The following PCDH15 variants were observed in gnomAD, a reference collection of about 807,000 sequenced individuals.
The protein encoded by PCDH15 is protocadherin related 15.
In PCDH15, 129 loss-of-function variants were observed where a neutral mutation model predicts 178.5. The observed-to-expected ratio is 0.72, with a 90% CI of 0.63 to 0.84. The LOEUF is 0.84. Among genes scored for constraint, PCDH15 ranks in the 40% least tolerant of loss-of-function variants. PCDH15 has a pLI of 0.00. For missense variants in PCDH15, 2,230 were observed against 2,099.9 expected (o/e 1.06, Z -1.21); for synonymous variants, 800 against 732.0 (o/e 1.09, Z -1.50).
chr10:53,840,140 A>G (rs561788404), intron 29 of PCDH15, among the ~76,000 whole-genome samples, 180 bp downstream of exon 29: 2 of 151,428 alleles, frequency 1.3e-5, no homozygotes, highest in East Asian at 4.0e-4. Context: ...TGTAGCCCAC[A>G]CTTAGACCTG....
chr10:54,196,389 G>T (rs943937627), intron 10 of PCDH15, among the ~76,000 whole-genome samples: 4 of 152,012 alleles, frequency 2.6e-5, no homozygotes, highest in African/African-American at 7.2e-5. Context: ...TGATCCGCCC[G>T]CCTCAGCCTC....
intron 21 of PCDH15, among the ~76,000 whole-genome samples, chr10:53,962,811 GTCCTCACTTATATTAGGTT>G (rs1212298234): frequency 6.6e-6 from 1 of 152,158 alleles, no homozygotes; most frequent in Admixed American, 6.5e-5. Flanking sequence ...TTTGCTGGCT[GTCCTCACTTATATTAGGTT>G]TCAGATTGGT....
intron 1 of PCDH15, among the ~76,000 whole-genome samples, chr10:55,281,821 T>A (rs1842740875): frequency 6.6e-6 from 1 of 152,322 alleles, no homozygotes; most frequent in South Asian, 2.1e-4. Flanking sequence ...CATAACTGTA[T>A]GTCCAGTTAC....
At chr10:55,071,438 G>C (rs1009557673) in intron 2 of PCDH15, among the ~76,000 whole-genome samples, 32 of 152,148 alleles carry the variant, frequency 2.1e-4, no homozygotes, top group Middle Eastern at 3.4e-3. Flanking sequence ...AAAGGCAGGG[G>C]TTGCAATCCT....
intron 8 of PCDH15, among the ~76,000 whole-genome samples, chr10:54,251,966 TC>T (rs139817048): frequency 0.026 from 3,995 of 152,184 alleles, 177 homozygotes; most frequent in African/African-American, 0.086. Context: ...AAATATATGC[TC>T]CCCCCTGCCT....
rs1201312020 is a variant in PCDH15, at chr10:53,898,161, G to T, written c.3501+5082C>A. Among the ~76,000 whole-genome samples, 7 of 141,396 alleles carry T rather than the reference G, an allele frequency of 5.0e-5. No homozygotes were observed. In the East Asian group the frequency reaches 1.1e-3, roughly 22 times the overall value. 92.8% of individuals were successfully genotyped at this position (141,396 alleles called of 152,430 possible). ...TTTTGTATTTTTAGTAGAGACGGGG[G>T]TTTCACCGTGTTAGCCAGGATGGTC... On this transcript the variant is annotated intron_variant, in intron 26 of 37. Coordinates refer to ENST00000644397, the MANE Select transcript of PCDH15 (RefSeq NM_001384140.1).
At position 54,307,073 on chromosome 10, in the gene PCDH15, T is replaced by C. The variant is rs1281846989; in HGVS notation, c.876+10198A>G. ...ATATATATATATATATATATATATATATATATACATATATATATATGTGTG... is the reference window on the plus strand; with the variant it reads ...ATATATATATATATATATATATATACATATATACATATATATATATGTGTG... On this transcript the variant is annotated intron_variant, in intron 8 of 37. Transcript: ENST00000644397. Among the ~76,000 whole-genome samples the C allele has an allele frequency of 8.4e-4, 8 of 9,522 alleles. No individual in the cohort carries two copies. In the East Asian group the frequency reaches 0.01, roughly 12 times the overall value. The allele number at this position is 9,522 out of a possible 152,430, so 6.2% of individuals were successfully genotyped here. A position where few individuals can be genotyped will look rare whatever the true frequency, so the allele number is the denominator to read the frequency against.
intron 2 of PCDH15, among the ~76,000 whole-genome samples, chr10:55,104,104 C>T (rs988971787): frequency 3.3e-5 from 5 of 152,020 alleles, no homozygotes; most frequent in South Asian, 4.1e-4. Context: ...AAAACAATTT[C>T]GTTTGCATAA....
rs560664224 is a variant in PCDH15, at chr10:55,120,070, A to G, written c.-80+46506T>C. Among the ~76,000 whole-genome samples, 18 of 152,314 alleles carry G rather than the reference A, an allele frequency of 1.2e-4. No individual in the cohort carries two copies. In the South Asian group the frequency reaches 3.7e-3, roughly 32 times the overall value. On this transcript the variant is annotated intron_variant, in intron 2 of 5. Transcript: ENST00000458638. ...AACCAGAGAGAACATTTAAGGCAAA[A>G]ATATCAATATTCAGATAAAAGATGG...
intron 17 of PCDH15, among the ~76,000 whole-genome samples, chr10:54,071,428 A>G (rs2094239951): frequency 6.6e-6 from 1 of 152,176 alleles, no homozygotes; most frequent in South Asian, 2.1e-4. Context: ...AATCCTAGAG[A>G]GGATAAGAGA....
In PCDH15 at chr10:54,195,841, T is replaced by C. The variant is rs1306993615; in HGVS notation, c.1147A>G (p.Ile383Val). ...TGATTGTTTTCATCCAGTATTTCAA[T>C]GTGTAGACCGGCAAAGGCAGGAAGA... Reference protein sequence around the residue: ...HPLPAFAGLHIEILDENNQSP... With the variant: ...HPLPAFAGLHVEILDENNQSP... The change falls in exon 11 of 38, where the codon ATT (isoleucine) becomes GTT (valine). Residue 383 changes from isoleucine to valine, a missense_variant. By Grantham distance (29) the Ile-to-Val change is conservative. Coordinates refer to ENST00000644397, the MANE Select transcript of PCDH15 (RefSeq NM_001384140.1). The C allele has an allele frequency of 2.5e-6, 4 of 1,614,082 alleles. No individual in the cohort carries two copies. Among genetic ancestry groups the C allele is most frequent in the Non-Finnish European group, 2.5e-6 (3 of 1,179,956 alleles).
At chr10:54,206,831 C>A (rs556222391) in intron 10 of PCDH15, among the ~76,000 whole-genome samples, 2 of 151,926 alleles carry the variant, frequency 1.3e-5, no homozygotes, top group Non-Finnish European at 2.9e-5. Flanking sequence ...CTATGAAGAA[C>A]GATTACTCGG....
chr10:54,599,777 A>C (rs2092438975), intron 2 of PCDH15: 1 of 527,526 alleles, frequency 1.9e-6, no homozygotes, highest in South Asian at 1.8e-5. Flanking sequence ...AAGTTAGACC[A>C]AGCTGAAGAG....
intron 1 of PCDH15, among the ~76,000 whole-genome samples, chr10:55,315,617 A>C (rs185701622): frequency 6.6e-6 from 1 of 152,244 alleles, no homozygotes; most frequent in Admixed American, 6.5e-5. Context: ...ATATCTACTC[A>C]TCAACCTTGC....
chr10:53,983,375 A>G (rs1206699694), intron 21 of PCDH15, among the ~76,000 whole-genome samples: 1 of 150,716 alleles, frequency 6.6e-6, no homozygotes, highest in Admixed American at 6.6e-5. Flanking sequence ...AAAAAAAAAA[A>G]CAGCAGGCGG....
intron 2 of PCDH15, among the ~76,000 whole-genome samples, chr10:55,439,916 G>A (rs998725581): frequency 3.9e-5 from 6 of 152,090 alleles, no homozygotes; most frequent in African/African-American, 1.4e-4. Flanking sequence ...CCATGAAACT[G>A]AAAACACAAT....
intron 2 of PCDH15, among the ~76,000 whole-genome samples, chr10:54,984,373 T>C (rs1318328017): frequency 1.3e-5 from 2 of 152,106 alleles, no homozygotes; most frequent in Admixed American, 6.6e-5. Context: ...GAGACTCTCA[T>C]TACAGAGAGA....
At chr10:53,965,368 T>C (rs113980495) in intron 21 of PCDH15, among the ~76,000 whole-genome samples, 1 of 152,186 alleles carries the variant, frequency 6.6e-6, no homozygotes, top group African/African-American at 2.4e-5. Flanking sequence ...CTACTACCTA[T>C]ATTTTTAAAA....
rs941061183 is a variant in PCDH15 at position 54,333,816 on chromosome 10, C to T, written c.595-4110G>A. ...CCTGATGCAGATGATTCAGGTTTTA[C>T]TTTTGAGAAACCACTGTACTACGTA... On this transcript the variant is annotated intron_variant, in intron 6 of 37. Transcript: ENST00000644397. Among the ~76,000 whole-genome samples the T allele has an allele frequency of 3.3e-4, 51 of 152,252 alleles. 1 individual carries two copies. Among genetic ancestry groups the T allele is most frequent in the African/African-American group, 1.2e-3 (50 of 41,560 alleles).
Sources: allele counts gnomAD v4.1 joint callset (sites outside exome capture counted in the v4.1 genomes callset), GRCh38; gene constraint gnomAD v4.1.1; transcripts MANE v1.5; gene names NCBI Gene and HGNC (gene_info 2026-07-23, HGNC 2026-07-21).